TXNRD2: variants seen among roughly 807,000 people sequenced by gnomAD.
TXNRD2 encodes the protein thioredoxin reductase 2, mitochondrial.
A neutral mutation model predicts 70.8 loss-of-function variants in TXNRD2; 67 were observed. The ratio of observed to expected loss-of-function variants is 0.95; its 90% CI spans 0.78 to 1.16. TXNRD2 has a LOEUF of 1.16. Ranked by LOEUF, TXNRD2 falls within the 50% of genes most tolerant of loss-of-function variation. The pLI is 0.00. For missense variants in TXNRD2, 644 were observed against 719.9 expected (o/e 0.89, Z 1.21); for synonymous variants, 301 against 295.8 (o/e 1.02, Z -0.18).
intron 8 of TXNRD2, among the ~76,000 whole-genome samples, chr22:19,909,863 A>T (rs199730227): frequency 1.2e-4 from 13 of 104,256 alleles, no homozygotes; most frequent in African/African-American, 5.4e-4. Flanking sequence ...CACACACCAC[A>T]CACACACCAC....
At chr22:19,889,585 G>C (rs1487756617) in intron 11 of TXNRD2, among the ~76,000 whole-genome samples, 3 of 152,000 alleles carry the variant, frequency 2.0e-5, no homozygotes, top group Non-Finnish European at 4.4e-5. Context: ...ACTCCAACCT[G>C]GGCAACAGAG....
At chr22:19,899,648 C>T (rs992021638) in intron 8 of TXNRD2, among the ~76,000 whole-genome samples, 2 of 152,266 alleles carry the variant, frequency 1.3e-5, no homozygotes, top group African/African-American at 4.8e-5. Flanking sequence ...GAAATATTTG[C>T]TCTTGTAGTG....
chr22:19,891,018 G>A (rs941174465), intron 11 of TXNRD2, among the ~76,000 whole-genome samples: 2 of 152,244 alleles, frequency 1.3e-5, no homozygotes, highest in African/African-American at 2.4e-5. Context: ...GGGGCAGGCT[G>A]TGGGGGTGGC....
chr22:19,917,621 A>G lies in TXNRD2; in HGVS notation c.449+522T>C, dbSNP rs369051672. Among the ~76,000 whole-genome samples, 738 of 152,292 alleles carry G rather than the reference A, an allele frequency of 4.8e-3. 6 individuals carry two copies. The highest frequency in any genetic ancestry group is 0.017 in the African/African-American group (711 of 41,562). On this transcript the variant is annotated intron_variant, in intron 5 of 17. Transcript: ENST00000400521. ...GAGCCCCAGGAGAAGGTTGTAGGCC[A>G]GGGGAGCATAGGCCTCTGTGCTGGA...
intron 8 of TXNRD2, among the ~76,000 whole-genome samples, chr22:19,909,172 C>T (rs1335358769): frequency 6.7e-6 from 1 of 149,056 alleles, no homozygotes; most frequent in Admixed American, 6.7e-5. Flanking sequence ...CACCACTGCA[C>T]TCCAGCCTGG....
chr22:19,923,428 G>A lies in TXNRD2; in HGVS notation c.173-3829C>T, dbSNP rs1021203289. Among the ~76,000 whole-genome samples, 10 of 152,086 alleles carry A rather than the reference G, an allele frequency of 6.6e-5. 1 individual carries two copies. Among genetic ancestry groups the A allele is most frequent in the Non-Finnish European group, 1.3e-4 (9 of 68,030 alleles). On this transcript the variant is annotated intron_variant, in intron 2 of 17. Coordinates refer to ENST00000400521, the MANE Select transcript of TXNRD2 (RefSeq NM_006440.5). The stretch of plus-strand genomic sequence containing the variant: ...GAGGCCCTAAAAATGGGCAGCTCTC[G>A]ACCTGTCCTGGCTCTGGGCTGTATC...
chr22:19,919,683 C>T, intron 2 of TXNRD2, 84 bp from the exon 3 acceptor site: 20 of 1,275,174 alleles, frequency 1.6e-5, no homozygotes, highest in Non-Finnish European at 2.1e-5. Flanking sequence ...CTTGTGAGGT[C>T]CAGAAGAGTG....
intron 1 of TXNRD2, among the ~76,000 whole-genome samples, chr22:19,934,739 CT>C (rs1941486061): frequency 6.6e-6 from 1 of 151,972 alleles, no homozygotes; most frequent in East Asian, 1.9e-4. Flanking sequence ...ATTTTTTGTA[CT>C]TTCAGGAGAG....
chr22:19,904,393 C>T (rs540489563), intron 8 of TXNRD2, among the ~76,000 whole-genome samples: 1 of 152,334 alleles, frequency 6.6e-6, no homozygotes, highest in East Asian at 1.9e-4. Flanking sequence ...TGGACACGAT[C>T]CCCCTGCCTC....
intron 8 of TXNRD2, among the ~76,000 whole-genome samples, chr22:19,907,181 A>ATG (rs1569090579): frequency 2.8e-3 from 72 of 25,444 alleles, no homozygotes; most frequent in Admixed American, 3.8e-3. Flanking sequence ...TGGGCGCACC[A>ATG]TGAGTAGCAG....
chr22:19,912,706 C>T (rs1940466978), intron 7 of TXNRD2, among the ~76,000 whole-genome samples: 2 of 152,268 alleles, frequency 1.3e-5, no homozygotes, highest in Non-Finnish European at 2.9e-5. Context: ...TCACGCAGCC[C>T]TGAGCCCCAC....
intron 1 of TXNRD2, among the ~76,000 whole-genome samples, chr22:19,935,540 T>C (rs1302114340): frequency 2.0e-5 from 3 of 152,194 alleles, no homozygotes; most frequent in Non-Finnish European, 4.4e-5. Context: ...AAGCATGTGA[T>C]CTTTGTGACC....
intron 2 of TXNRD2, among the ~76,000 whole-genome samples, chr22:19,927,515 G>A (rs1941191693): frequency 6.6e-6 from 1 of 151,242 alleles, no homozygotes; most frequent in African/African-American, 2.4e-5. Flanking sequence ...AAAAGTAGCT[G>A]GGCATGGTGG....
intron 11 of TXNRD2, 120 bp from the exon 12 acceptor site, chr22:19,883,581 T>G: frequency 7.0e-7 from 1 of 1,418,690 alleles, no homozygotes; most frequent in Non-Finnish European, 9.8e-7. Flanking sequence ...CTCCTGCCTG[T>G]AATCCCAGCA....
At position 19,883,477 on chromosome 22, in the gene TXNRD2, A is replaced by C. The variant is rs1938881496; in HGVS notation, c.950-16T>G. The C allele has an allele frequency of 1.2e-6, 2 of 1,613,916 alleles. No individual in the cohort carries two copies. Among genetic ancestry groups the C allele is most frequent in the African/African-American group, 2.7e-5 (2 of 75,060 alleles). ...GGGACTCGACCTGAAGGAAACAGAG[A>C]GGGGGCTGAAAGGTTATCTTCAGTG... On this transcript the variant is annotated splice_polypyrimidine_tract_variant and intron_variant, in intron 11 of 17. Transcript: ENST00000400521.
intron 1 of TXNRD2, among the ~76,000 whole-genome samples, chr22:19,939,511 G>A (rs1941631111): frequency 6.6e-6 from 1 of 152,044 alleles, no homozygotes. Flanking sequence ...ATTCTTATTG[G>A]GCTTATGTGC....
At chr22:19,925,017 GCT>G in intron 2 of TXNRD2, among the ~76,000 whole-genome samples, 1 of 151,604 alleles carries the variant, frequency 6.6e-6, no homozygotes, top group Non-Finnish European at 1.5e-5. Context: ...AGGCATGGTG[GCT>G]CACGCCTGTA....
At chr22:19,940,962 C>T (rs1487712754) in intron 1 of TXNRD2, among the ~76,000 whole-genome samples, 3 of 152,200 alleles carry the variant, frequency 2.0e-5, no homozygotes, top group Admixed American at 6.5e-5. Flanking sequence ...TAGCCGCCAT[C>T]CCTGGGAAGG....
At position 19,877,131 on chromosome 22, in the gene TXNRD2, G is replaced by A. The variant is rs756196216; in HGVS notation, c.1549C>T (p.Pro517Ser). The A allele has an allele frequency of 1.4e-5, 22 of 1,601,126 alleles. No individual in the cohort carries two copies. The African/African-American group carries it at 2.5e-4, about 19-fold the overall frequency. ...LRISKRSGLD[P>S]TVTGCUG ...TACCCTCAGCAGCCTGTCACCGTGG[G>A]GTCCAGGCCTGAGCGCTTGGAGATG... Residue 517 changes from proline (P) to serine (S), a missense_variant, in exon 17 of 18, where the codon CCC (proline) becomes TCC (serine). Pro to Ser is a moderately conservative substitution (Grantham distance 74). Transcript: ENST00000400521.
Sources: allele counts gnomAD v4.1 joint callset (sites outside exome capture counted in the v4.1 genomes callset), GRCh38; gene constraint gnomAD v4.1.1; transcripts MANE v1.5; gene names NCBI Gene and HGNC (gene_info 2026-07-23, HGNC 2026-07-21).